The following COL4A2 variants were observed in gnomAD, a reference collection of about 807,000 sequenced individuals.
COL4A2 encodes the protein collagen type IV alpha 2 chain.
In COL4A2, 99 loss-of-function variants were observed where a neutral mutation model predicts 200.2. The ratio of observed to expected loss-of-function variants is 0.49; its 90% CI spans 0.42 to 0.58. The LOEUF (loss-of-function observed/expected upper bound fraction) is 0.58. COL4A2 is among the 20% of genes least tolerant of loss of function. The probability of loss-of-function intolerance (pLI) is 0.00; values close to 1 mark genes in which losing one functional copy is unlikely to be tolerated. For missense variants in COL4A2, 1,950 were observed against 2,314.1 expected (o/e 0.84, Z 3.23); for synonymous variants, 897 against 900.6 (o/e 1.00, Z 0.07).
chr13:110,487,678 C>A (rs1453471610), intron 34 of COL4A2, among the ~76,000 whole-genome samples: 1 of 152,202 alleles, frequency 6.6e-6, no homozygotes, highest in African/African-American at 2.4e-5. Flanking sequence ...ATCCAACAAC[C>A]TAACTTCATT....
chr13:110,487,954 A>G (rs1883165171), intron 34 of COL4A2, among the ~76,000 whole-genome samples: 1 of 152,226 alleles, frequency 6.6e-6, no homozygotes, highest in Non-Finnish European at 1.5e-5. Flanking sequence ...AGAAAGAAAA[A>G]TAGAGCATTA....
chr13:110,458,130 C>T (rs1473726093), intron 21 of COL4A2: 1 of 470,554 alleles, frequency 2.1e-6, no homozygotes, highest in East Asian at 7.0e-5. Context: ...ATGTGCAGTG[C>T]ATTCAGCACC....
intron 32 of COL4A2, among the ~76,000 whole-genome samples, chr13:110,484,143 GT>G (rs1883030545): frequency 6.6e-6 from 1 of 151,898 alleles, no homozygotes; most frequent in African/African-American, 2.4e-5. Flanking sequence ...CAGCTCCATG[GT>G]AATTATTTCC....
At chr13:110,471,782 A>G (rs1882478128) in intron 28 of COL4A2, among the ~76,000 whole-genome samples, 1 of 152,194 alleles carries the variant, frequency 6.6e-6, no homozygotes, top group Admixed American at 6.5e-5. Context: ...ACCCCACAGA[A>G]CACAGAAAAC....
chr13:110,402,761 G>A (rs1162776118), intron 4 of COL4A2, among the ~76,000 whole-genome samples: 2 of 152,272 alleles, frequency 1.3e-5, no homozygotes, highest in Non-Finnish European at 2.9e-5. Flanking sequence ...GGCCTCTGTT[G>A]TTGGCCCTGC....
intron 7 of COL4A2, chr13:110,429,023 T>G (rs530011176): frequency 2.6e-5 from 4 of 154,916 alleles, no homozygotes; most frequent in African/African-American, 9.6e-5. Context: ...TCATCTGTTT[T>G]GTGGCCTCAT....
chr13:110,373,245 C>A lies in COL4A2; in HGVS notation c.180+15693C>A, dbSNP rs531578554. Among the ~76,000 whole-genome samples, 7 of 152,328 alleles carry A rather than the reference C, an allele frequency of 4.6e-5. No homozygotes were observed. The East Asian group carries it at 1.3e-3, about 29-fold the overall frequency. ...CATTCTACCTGCCACCCAACCAGTA[C>A]CAACTGTGTTGTGAACGCATTTTTT... On this transcript the variant is annotated intron_variant, in intron 4 of 47. Transcript: ENST00000360467.
intron 20 of COL4A2, among the ~76,000 whole-genome samples, chr13:110,452,119 G>T (rs1457473163): frequency 8.5e-5 from 8 of 93,944 alleles, no homozygotes; most frequent in South Asian, 3.6e-4. Flanking sequence ...CAAAGTCTCT[G>T]TTTTGTTTGT....
At position 110,424,640 on chromosome 13, in the gene COL4A2, C is replaced by CAAAA. The variant is rs71127938; in HGVS notation, c.181-86_181-83dup. 89,132 of 690,602 alleles carry CAAAA rather than the reference C, an allele frequency of 0.13. 2,564 individuals are homozygous for CAAAA. The highest frequency in any genetic ancestry group is 0.17 in the Middle Eastern group (403 of 2,354). 42.8% of individuals were successfully genotyped at this position (690,602 alleles called of 1,614,324 possible). A position where few individuals can be genotyped will look rare whatever the true frequency, so the allele number is the denominator to read the frequency against. ...CCTGTAGATTATAGCTCTTTAAAAA[C>CAAAA]AAAAAAAAAAATGTAGTTTTGAAAG... On this transcript the variant is annotated intron_variant, in intron 4 of 47. Transcript: ENST00000360467.
At chr13:110,407,128 A>G (rs1379462816) in intron 4 of COL4A2, among the ~76,000 whole-genome samples, 1 of 152,182 alleles carries the variant, frequency 6.6e-6, no homozygotes, top group Admixed American at 6.5e-5. Flanking sequence ...ATTTCAAATA[A>G]TTGATATTTA....
At chr13:110,355,238 A>AG (rs1461478929) in intron 3 of COL4A2, among the ~76,000 whole-genome samples, 1 of 150,648 alleles carries the variant, frequency 6.6e-6, no homozygotes, top group African/African-American at 2.5e-5. Context: ...AGGCTGGCTG[A>AG]GGGTGAAAAG....
At chr13:110,356,707 T>G (rs1306015932) in intron 3 of COL4A2, among the ~76,000 whole-genome samples, 1 of 152,064 alleles carries the variant, frequency 6.6e-6, no homozygotes, top group East Asian at 1.9e-4. Context: ...ATCCAGATTC[T>G]CGGAATGTTC....
At chr13:110,376,552 C>CTTT (rs1263745301) in intron 4 of COL4A2, among the ~76,000 whole-genome samples, 1 of 152,128 alleles carries the variant, frequency 6.6e-6, no homozygotes, top group East Asian at 1.9e-4. Flanking sequence ...GGAAACTTTA[C>CTTT]TTTTTTATAA....
At chr13:110,478,970 C>T (rs74376660) in intron 30 of COL4A2, among the ~76,000 whole-genome samples, 4,149 of 152,308 alleles carry the variant, frequency 0.027, 195 homozygotes, top group African/African-American at 0.096. Context: ...TGGTAGGGAA[C>T]TGCCACTCCA....
rs886949292 is a variant in COL4A2, at chr13:110,507,827, G to A, written c.4595-108G>A. On this transcript the variant is annotated intron_variant, in intron 46 of 47. Transcript: ENST00000360467. ...CCAGTAGGTGGCTAAACTCCACCAG[G>A]TGCCCTGGGGCGAGTCCGTGACACA... The A allele has an allele frequency of 7.6e-6, 9 of 1,178,996 alleles. No homozygotes were observed. In the African/African-American group the frequency reaches 1.4e-4, roughly 18 times the overall value. The allele number at this position is 1,178,996 out of a possible 1,614,324, so 73.0% of individuals were successfully genotyped here.
At chr13:110,439,985 G>A (rs1220275141) in intron 16 of COL4A2, 152 bp downstream of exon 16, 2 of 1,234,658 alleles carry the variant, frequency 1.6e-6, no homozygotes, top group African/African-American at 1.6e-5. Flanking sequence ...AGATAATCCT[G>A]CCTCACAATA....
chr13:110,361,354 C>T (rs781267023), intron 4 of COL4A2, among the ~76,000 whole-genome samples: 4 of 152,198 alleles, frequency 2.6e-5, no homozygotes, highest in Non-Finnish European at 4.4e-5. Flanking sequence ...AGCTTGCTGT[C>T]GAAAGGGCTG....
At chr13:110,495,919 A>T (rs888265633) in intron 40 of COL4A2, among the ~76,000 whole-genome samples, 3 of 152,196 alleles carry the variant, frequency 2.0e-5, no homozygotes, top group African/African-American at 4.8e-5. Flanking sequence ...GGTGGGCTCA[A>T]GTCTAAATGG....
intron 12 of COL4A2, among the ~76,000 whole-genome samples, chr13:110,434,866 G>A (rs1594212143): frequency 1.3e-5 from 2 of 152,232 alleles, no homozygotes; most frequent in South Asian, 2.1e-4. Flanking sequence ...AAAGGCAGCC[G>A]TAAGGACCAT....
Sources: gnomAD v4.1 joint callset for allele counts (sites outside exome capture counted in the v4.1 genomes callset) on GRCh38, gnomAD v4.1.1 for gene constraint, MANE v1.5 for transcripts, NCBI Gene and HGNC (gene_info 2026-07-23, HGNC 2026-07-21) for gene names.